Variants in NCOA1 observed in about 807,000 individuals in gnomAD.
NCOA1 encodes nuclear receptor coactivator 1, also known as Hin-2 protein.
In NCOA1, 35 loss-of-function variants were observed where a neutral mutation model predicts 150.9. That is an observed-to-expected ratio of 0.23 (90% confidence interval 0.18 to 0.31). The LOEUF is 0.31. Ranked by LOEUF, NCOA1 falls within the 10% of genes least tolerant of loss-of-function variation. NCOA1 has a pLI of 1.00. For synonymous variants in NCOA1, 590 were observed against 630.0 expected (o/e 0.94, Z 0.95); for missense variants, 1,491 against 1,749.3 (o/e 0.85, Z 2.63).
intron 17 of NCOA1, among the ~76,000 whole-genome samples, chr2:24,730,561 T>C (rs1357683983): frequency 6.6e-6 from 1 of 152,260 alleles, no homozygotes; most frequent in East Asian, 1.9e-4. Flanking sequence ...TGCCCAGTGA[T>C]GTTACTATAT....
intron 22 of NCOA1, among the ~76,000 whole-genome samples, chr2:24,764,817 G>C (rs944245448): frequency 6.6e-6 from 1 of 152,138 alleles, no homozygotes; most frequent in Non-Finnish European, 1.5e-5. Context: ...AGATATATTG[G>C]CCAGTTGAGA....
chr2:24,691,441 C>T, intron 8 of NCOA1, 40 bp from the exon 9 acceptor site: 1 of 1,581,146 alleles, frequency 6.3e-7, no homozygotes, highest in African/African-American at 1.4e-5. Context: ...TGTGCTTTTT[C>T]ACCATATTCG....
chr2:24,529,936 A>T (rs964013050), intron 1 of NCOA1, among the ~76,000 whole-genome samples: 4 of 152,204 alleles, frequency 2.6e-5, no homozygotes, highest in East Asian at 1.9e-4. Flanking sequence ...TTCAGATTTT[A>T]AAAAAGTGGT....
At chr2:24,736,370 C>T (rs955708454) in intron 17 of NCOA1, among the ~76,000 whole-genome samples, 1 of 152,032 alleles carries the variant, frequency 6.6e-6, no homozygotes, top group African/African-American at 2.4e-5. Flanking sequence ...GAGAAAGTGA[C>T]AGTGAGACAC....
intron 2 of NCOA1, among the ~76,000 whole-genome samples, chr2:24,575,605 G>A (rs565167618): frequency 4.3e-5 from 6 of 139,916 alleles, no homozygotes; most frequent in South Asian, 2.2e-4. Flanking sequence ...ACAGAGTCTC[G>A]CTCTGTCACC....
chr2:24,563,922 C>T (rs1206596946), intron 1 of NCOA1, among the ~76,000 whole-genome samples: 1 of 152,094 alleles, frequency 6.6e-6, no homozygotes, highest in Non-Finnish European at 1.5e-5. Flanking sequence ...TGCTAGGAAC[C>T]CTGTTTCCTT....
Position 24,769,130 on chromosome 2 carries a change from T to C in NCOA1, c.*739T>C, listed in dbSNP as rs954901617. The C allele has an allele frequency of 4.8e-6, 1 of 207,670 alleles. No homozygotes were observed. The highest frequency in any genetic ancestry group is 2.3e-5 in the African/African-American group (1 of 43,916). 12.9% of individuals were successfully genotyped at this position (207,670 alleles called of 1,614,324 possible). ...AGTGAGTTGTGTCAATTATTGTAGATACAATTTTCTGATTAAATCTGGAAA... is the reference window on the plus strand; with the variant it reads ...AGTGAGTTGTGTCAATTATTGTAGACACAATTTTCTGATTAAATCTGGAAA... On this transcript the variant is annotated 3_prime_UTR_variant, in exon 23 of 23. Transcript: ENST00000348332.
rs891314160 is a variant in NCOA1 at position 24,598,758 on chromosome 2, CT to C, written c.-175+14206del. Among the ~76,000 whole-genome samples the C allele has an allele frequency of 6.9e-4, 105 of 151,852 alleles. 1 individual carries two copies. The highest frequency in any genetic ancestry group is 2.4e-3 in the African/African-American group (100 of 41,416). On this transcript the variant is annotated intron_variant, in intron 3 of 22. Transcript: ENST00000348332. ...ATGAAAACATTTCTTTTACATTTTTCTTTTTTTTAATTTTAAGACATTATTT... is the reference window on the plus strand; with the variant it reads ...ATGAAAACATTTCTTTTACATTTTTCTTTTTTTAATTTTAAGACATTATTT...
intron 11 of NCOA1, among the ~76,000 whole-genome samples, chr2:24,700,741 A>G (rs1249121228): frequency 6.6e-6 from 1 of 152,194 alleles, no homozygotes; most frequent in Admixed American, 6.5e-5. Context: ...TATCTAGGTC[A>G]TGGTGCTTCC....
Position 24,622,137 on chromosome 2 carries a change from T to G in NCOA1, c.-174-21829T>G, listed in dbSNP as rs538348729. Among the ~76,000 whole-genome samples, 112 of 152,376 alleles carry G rather than the reference T, an allele frequency of 7.4e-4. 1 individual carries two copies. Among genetic ancestry groups the G allele is most frequent in the African/African-American group, 2.6e-3 (107 of 41,590 alleles). ...GTTTAATGCACACTGACCTCCAGTATAGCCAGTTAGTATACAGGAATTTGA... is the reference window on the plus strand; with the variant it reads ...GTTTAATGCACACTGACCTCCAGTAGAGCCAGTTAGTATACAGGAATTTGA... On this transcript the variant is annotated intron_variant, in intron 3 of 22. Coordinates refer to ENST00000348332, the MANE Select transcript of NCOA1 (RefSeq NM_003743.5).
At chr2:24,681,481 T>C (rs897061058) in intron 7 of NCOA1, among the ~76,000 whole-genome samples, 1 of 152,206 alleles carries the variant, frequency 6.6e-6, no homozygotes, top group African/African-American at 2.4e-5. Context: ...ATCACGTCAT[T>C]TTCAGTGTCA....
intron 1 of NCOA1, among the ~76,000 whole-genome samples, chr2:24,517,107 G>T (rs565093979): frequency 6.7e-6 from 1 of 148,898 alleles, no homozygotes; most frequent in Non-Finnish European, 1.5e-5. Flanking sequence ...AATCTCTTCC[G>T]TTAGGTCTAG....
intron 4 of NCOA1, among the ~76,000 whole-genome samples, chr2:24,647,086 C>G (rs1385060404): frequency 1.3e-5 from 2 of 151,936 alleles, no homozygotes; most frequent in Non-Finnish European, 2.9e-5. Flanking sequence ...AGAAAAGATT[C>G]TTTGTTTATA....
chr2:24,741,861 A>G lies in NCOA1; in HGVS notation c.3381A>G (p.Ile1127Met). The G allele has an allele frequency of 6.2e-7, 1 of 1,614,248 alleles. No homozygotes were observed. The highest frequency in any genetic ancestry group is 8.5e-7 in the Non-Finnish European group (1 of 1,180,036). ...AACAGCACCGACAGAGGCAGCTAAT[A>G]CAGCAGCAAAGAGCCATGCTTATGA... ...YSQQHRQRQLIQQQRAMLMRQ... is the reference protein window; with the variant it reads ...YSQQHRQRQLMQQQRAMLMRQ... Residue 1127 changes from isoleucine (I) to methionine (M), a missense_variant, in exon 19 of 23, where the codon ATA becomes ATG. Coordinates refer to ENST00000348332, the MANE Select transcript of NCOA1 (RefSeq NM_003743.5).
intron 1 of NCOA1, among the ~76,000 whole-genome samples, chr2:24,553,494 A>T (rs1000274258): frequency 2.6e-5 from 4 of 152,234 alleles, no homozygotes; most frequent in African/African-American, 9.6e-5. Flanking sequence ...CAGGGATTAC[A>T]GGCGTGAGCC....
chr2:24,752,623 C>G (rs1335879409), intron 20 of NCOA1, among the ~76,000 whole-genome samples: 1 of 152,116 alleles, frequency 6.6e-6, no homozygotes, highest in Non-Finnish European at 1.5e-5. Flanking sequence ...TTCCCTGGGA[C>G]AGACATAGAA....
Position 24,769,987 on chromosome 2 carries a change from T to G in NCOA1, c.*1596T>G. 1.3e-5 allele frequency: 3 copies of G among 227,136 alleles called. No individual in the cohort carries two copies. The highest frequency in any genetic ancestry group is 1.8e-5 in the Non-Finnish European group (2 of 113,920). 14.1% of individuals were successfully genotyped at this position (227,136 alleles called of 1,614,324 possible). A position where few individuals can be genotyped will look rare whatever the true frequency, so the allele number is the denominator to read the frequency against. Reference sequence around the variant, plus strand: ...ACTCAGACTTCAAGGAAGAAGCCATTTCCCCAGGTCCTTCCTTCTGCATCT... The same window carrying G: ...ACTCAGACTTCAAGGAAGAAGCCATGTCCCCAGGTCCTTCCTTCTGCATCT... On this transcript the variant is annotated 3_prime_UTR_variant, in exon 23 of 23. Transcript: ENST00000348332.
At chr2:24,625,465 A>G (rs2148417725) in intron 3 of NCOA1, among the ~76,000 whole-genome samples, 1 of 151,674 alleles carries the variant, frequency 6.6e-6, no homozygotes, top group Admixed American at 6.6e-5. Context: ...CAAGGAACTA[A>G]CTTTTGCTTT....
At chr2:24,747,465 A>G (rs1663991935) in intron 19 of NCOA1, among the ~76,000 whole-genome samples, 1 of 151,086 alleles carries the variant, frequency 6.6e-6, no homozygotes, top group Non-Finnish European at 1.5e-5. Flanking sequence ...GAGTAGCTAG[A>G]ACTACAGGCA....
Sources: allele counts gnomAD v4.1 joint callset (sites outside exome capture counted in the v4.1 genomes callset), GRCh38; gene constraint gnomAD v4.1.1; transcripts MANE v1.5; gene names NCBI Gene and HGNC (gene_info 2026-07-23, HGNC 2026-07-21).